Variants in ADD1 observed in about 807,000 individuals in gnomAD.
ADD1 encodes adducin 1.
In ADD1, 24 loss-of-function variants were observed where a neutral mutation model predicts 80.5. The ratio of observed to expected loss-of-function variants is 0.30; its 90% CI spans 0.22 to 0.42. The LOEUF (loss-of-function observed/expected upper bound fraction) is 0.42. Ranked by LOEUF, ADD1 falls within the 10% of genes least tolerant of loss-of-function variation. The probability of loss-of-function intolerance (pLI) is 1.00; values close to 1 mark genes in which losing one functional copy is unlikely to be tolerated. For missense variants in ADD1, 948 were observed against 1,019.0 expected, an observed-to-expected ratio of 0.93 and a Z score of 0.95; for synonymous variants, 373 against 393.8, an observed-to-expected ratio of 0.95 and a Z score of 0.63.
chr4:2,927,523 G>C (rs1450735633), intron 15 of ADD1, among the ~76,000 whole-genome samples: 2 of 152,248 alleles, frequency 1.3e-5, no homozygotes, highest in Non-Finnish European at 2.9e-5. Context: ...GCCCGGGTAA[G>C]TGCAAGGAAG....
At chr4:2,867,060 G>C (rs1377181069) in intron 1 of ADD1, among the ~76,000 whole-genome samples, 1 of 152,122 alleles carries the variant, frequency 6.6e-6, no homozygotes, top group East Asian at 1.9e-4. Context: ...GACAGAGCAA[G>C]ACCCAGTCTG....
chr4:2,845,999 G>A (rs920656871), intron 1 of ADD1, among the ~76,000 whole-genome samples: 2 of 151,992 alleles, frequency 1.3e-5, no homozygotes, highest in African/African-American at 4.8e-5. Context: ...TCATATCCCC[G>A]CAGTCCTAGA....
intron 14 of ADD1, among the ~76,000 whole-genome samples, chr4:2,918,854 T>C (rs1239348859): frequency 6.6e-6 from 1 of 151,948 alleles, no homozygotes; most frequent in Non-Finnish European, 1.5e-5. Flanking sequence ...ATTTGGTTTT[T>C]TTTTTTTTCT....
rs1712685747 is a variant in ADD1 at position 2,929,660 on chromosome 4, C to G, written c.*1137C>G. ...TGGGCCCAACAGGCCCTTGGTAGAG[C>G]TGGTGCCAGATGTGGGCTCAGATCC... On this transcript the variant is annotated 3_prime_UTR_variant, in exon 16 of 16. Transcript: ENST00000683351. 6.6e-6 allele frequency: 1 copy of G among 152,306 alleles called. No homozygotes were observed. Among genetic ancestry groups the G allele is most frequent in the African/African-American group, 2.4e-5 (1 of 41,466 alleles). 9.4% of individuals were successfully genotyped at this position (152,306 alleles called of 1,614,324 possible).
chr4:2,915,104 G>A (rs1030023976), intron 14 of ADD1, 64 bp downstream of exon 14: 1 of 1,506,632 alleles, frequency 6.6e-7, no homozygotes, highest in Non-Finnish European at 8.9e-7. Flanking sequence ...GAGCTTCTTT[G>A]TGGTCCAGGT....
intron 1 of ADD1, among the ~76,000 whole-genome samples, chr4:2,871,318 C>T (rs1048826210): frequency 1.3e-5 from 2 of 152,052 alleles, no homozygotes; most frequent in South Asian, 2.1e-4. Context: ...ATTTACCTGT[C>T]GATCATACCA....
intron 14 of ADD1, among the ~76,000 whole-genome samples, chr4:2,918,644 G>T (rs1273960729): frequency 6.6e-6 from 1 of 152,152 alleles, no homozygotes; most frequent in African/African-American, 2.4e-5. Context: ...GATATTGGCT[G>T]TGGGTTTGTC....
In ADD1 at chr4:2,926,258, T is replaced by C. The variant is rs532529760; in HGVS notation, c.2047+146T>C. 70 of 778,692 alleles carry C rather than the reference T, an allele frequency of 9.0e-5. No individual in the cohort carries two copies. The allele number at this position is 778,692 out of a possible 1,614,324, so 48.2% of individuals were successfully genotyped here. On this transcript the variant is annotated intron_variant, in intron 15 of 15. Coordinates refer to ENST00000683351, the MANE Select transcript of ADD1 (RefSeq NM_001354761.2). This position sits in a 1 kb window ranked among gnomAD's most constrained non-coding sequence, Gnocchi z 5.0. ...AGGACGTGACACCTTTCTCCTCCTA[T>C]ATTGCTTCTGTCCTGGGTAACTCCA... is the stretch of plus-strand genomic sequence containing the variant.
chr4:2,865,496 A>G (rs576132295), intron 1 of ADD1, among the ~76,000 whole-genome samples: 6 of 152,348 alleles, frequency 3.9e-5, no homozygotes, highest in African/African-American at 1.4e-4. Context: ...TGGTGTTCTC[A>G]GTTTATGAGC....
In ADD1 at chr4:2,929,148, C is replaced by G. The variant is rs975995578; in HGVS notation, c.*625C>G. 1 of 152,190 alleles carries G rather than the reference C, an allele frequency of 6.6e-6. No homozygotes were observed. Among genetic ancestry groups the G allele is most frequent in the African/African-American group, 2.4e-5 (1 of 41,422 alleles). The allele number at this position is 152,190 out of a possible 1,614,324, so 9.4% of individuals were successfully genotyped here. The stretch of plus-strand genomic sequence containing the variant: ...TATGCATGTCTGACCGACGATCCCT[C>G]GACCAGAATCAGATTCAGGAGCTCA... On this transcript the variant is annotated 3_prime_UTR_variant, in exon 16 of 16. Coordinates refer to ENST00000683351, the MANE Select transcript of ADD1 (RefSeq NM_001354761.2).
intron 12 of ADD1, chr4:2,908,886 C>G: frequency 2.0e-6 from 1 of 501,992 alleles, no homozygotes; most frequent in East Asian, 3.6e-5. Flanking sequence ...GGCTCAGATT[C>G]GGCCCGGGTT....
At chr4:2,921,898 T>TA (rs1740113146) in intron 14 of ADD1, among the ~76,000 whole-genome samples, 1 of 151,910 alleles carries the variant, frequency 6.6e-6, no homozygotes, top group Non-Finnish European at 1.5e-5. Context: ...CAATCTCTGA[T>TA]ATATCCTTTC....
intron 13 of ADD1, among the ~76,000 whole-genome samples, chr4:2,913,254 A>G (rs1241448678): frequency 6.6e-6 from 1 of 152,242 alleles, no homozygotes; most frequent in African/African-American, 2.4e-5. Flanking sequence ...TGGCAGTGAT[A>G]TCAGGATGCA....
At chr4:2,906,791 C>T (rs1737137994) in intron 10 of ADD1, among the ~76,000 whole-genome samples, 1 of 152,200 alleles carries the variant, frequency 6.6e-6, no homozygotes, top group African/African-American at 2.4e-5. Flanking sequence ...GTACCCAGAG[C>T]TCCATGCCCA....
chr4:2,895,547 C>T (rs2237004), intron 6 of ADD1, among the ~76,000 whole-genome samples: 29,482 of 151,844 alleles, frequency 0.19, 3,107 homozygotes, highest in East Asian at 0.47. Flanking sequence ...TCCAGCTCCC[C>T]GCAGCCAACC....
chr4:2,882,157 AC>A, intron 3 of ADD1, 97 bp downstream of exon 3: 2 of 1,140,378 alleles, frequency 1.8e-6, no homozygotes, highest in Non-Finnish European at 2.4e-6. Flanking sequence ...TAACTGTATA[AC>A]ATAACAGAGT....
At chr4:2,907,627 A>C (rs1203011423) in intron 10 of ADD1, 116 bp from the exon 11 acceptor site, 1 of 885,922 alleles carries the variant, frequency 1.1e-6, no homozygotes, top group Non-Finnish European at 1.9e-6. Context: ...TCATTGGTTC[A>C]GTCCTCTCTG....
At chr4:2,927,472 C>A (rs1712009171) in intron 15 of ADD1, among the ~76,000 whole-genome samples, 2 of 152,200 alleles carry the variant, frequency 1.3e-5, no homozygotes, top group South Asian at 4.1e-4. Flanking sequence ...CTGTCAGTTG[C>A]TGGTAACTTT....
Position 2,885,293 on chromosome 4 carries a change from C to T in ADD1, c.510+627C>T, listed in dbSNP as rs1246722141. ...CCTCCCAGCTTCTGAGTAGCGAAAT[C>T]CTGCTGTGGAAGTCCTCCCACCAGA... On this transcript the variant is annotated intron_variant, in intron 4 of 15. Transcript: ENST00000683351. Among the ~76,000 whole-genome samples the T allele has an allele frequency of 3.3e-5, 5 of 152,192 alleles. 1 individual carries two copies. Among genetic ancestry groups the T allele is most frequent in the Admixed American group, 3.3e-4 (5 of 15,280 alleles).
Sources: gnomAD v4.1 joint callset for allele counts (sites outside exome capture counted in the v4.1 genomes callset) on GRCh38, gnomAD v4.1.1 for gene constraint, Gnocchi (gnomAD v3.1) non-coding constraint, MANE v1.5 for transcripts, NCBI Gene and HGNC (gene_info 2026-07-23, HGNC 2026-07-21) for gene names.